Variants in CFAP161 observed in about 807,000 individuals in gnomAD.
CFAP161 encodes cilia and flagella associated protein 161, also known as cilia- and flagella-associated protein 161.
In CFAP161, 25 loss-of-function variants were observed where a neutral mutation model predicts 29.0. The observed-to-expected ratio is 0.86, with a 90% CI of 0.63 to 1.20. The LOEUF (loss-of-function observed/expected upper bound fraction) is 1.20, where lower values mean the gene tolerates loss of function less well. Among genes scored for constraint, CFAP161 ranks in the 50% most tolerant of loss-of-function variants. The pLI, the probability that CFAP161 is intolerant of heterozygous loss-of-function variation, is 0.00. For missense variants in CFAP161, 367 were observed against 371.9 expected (o/e 0.99, Z 0.11); for synonymous variants, 116 against 137.4 (o/e 0.84, Z 1.09).
At chr15:81,120,449 C>A (rs1894557530) in intron 1 of CFAP161, among the ~76,000 whole-genome samples, 1 of 152,154 alleles carries the variant, frequency 6.6e-6, no homozygotes, top group Non-Finnish European at 1.5e-5. Context: ...CAGGTCATAA[C>A]AACAGAGCTA....
At chr15:81,128,288 C>A (rs931550738) in intron 2 of CFAP161, among the ~76,000 whole-genome samples, 2 of 152,228 alleles carry the variant, frequency 1.3e-5, no homozygotes, top group Admixed American at 6.5e-5. Flanking sequence ...GATAGCATTT[C>A]ACCCATGGTA....
intron 4 of CFAP161, among the ~76,000 whole-genome samples, chr15:81,140,131 T>C (rs1355368626): frequency 6.6e-6 from 1 of 152,218 alleles, no homozygotes; most frequent in East Asian, 1.9e-4. Context: ...TATATACCAT[T>C]GATTACTAAA....
chr15:81,141,469 G>T (rs1465466514), intron 4 of CFAP161, among the ~76,000 whole-genome samples: 1 of 151,806 alleles, frequency 6.6e-6, no homozygotes, highest in African/African-American at 2.4e-5. Context: ...TATGTTTTCT[G>T]GGAAGACAGT....
At chr15:81,104,430 G>A (rs1438112090) in intron 1 of CFAP161, among the ~76,000 whole-genome samples, 2 of 152,172 alleles carry the variant, frequency 1.3e-5, no homozygotes, top group Non-Finnish European at 2.9e-5. Context: ...GAACAGGAGC[G>A]GGCCAAAGTT....
intron 4 of CFAP161, among the ~76,000 whole-genome samples, chr15:81,141,049 G>C (rs1427745314): frequency 2.0e-5 from 3 of 152,150 alleles, no homozygotes; most frequent in Non-Finnish European, 4.4e-5. Flanking sequence ...AAATATAATG[G>C]TTATTTTTTT....
chr15:81,136,598 A>C lies in CFAP161; in HGVS notation c.242A>C (p.Glu81Ala). ...GTGAATCCTGATGATCCTGACACAG[A>C]AGCTGATGTGTTTCTGCGTGGGGAC... ...MLVNPDDPDTEADVFLRGDLS... is the reference protein window; with the variant it reads ...MLVNPDDPDTAADVFLRGDLS... The change falls in exon 3 of 7, where the codon GAA becomes GCA. Residue 81 changes from glutamate (E) to alanine (A), a missense_variant. Coordinates refer to ENST00000286732, the MANE Select transcript of CFAP161 (RefSeq NM_173528.4). 1 of 1,614,190 alleles carries C rather than the reference A, an allele frequency of 6.2e-7. No homozygotes were observed. Among genetic ancestry groups the C allele is most frequent in the Non-Finnish European group, 8.5e-7 (1 of 1,180,034 alleles).
chr15:81,147,991 G>A, intron 6 of CFAP161, 60 bp downstream of exon 6: 3 of 1,361,812 alleles, frequency 2.2e-6, no homozygotes, highest in Non-Finnish European at 3.1e-6. Flanking sequence ...ATGAATATAA[G>A]CAAAGAAGCT....
intron 1 of CFAP161, among the ~76,000 whole-genome samples, chr15:81,112,949 A>G (rs902887222): frequency 6.6e-6 from 1 of 152,220 alleles, no homozygotes; most frequent in Non-Finnish European, 1.5e-5. Flanking sequence ...CCAATAATGT[A>G]TGAGTGCATT....
In CFAP161 at chr15:81,148,409, G is replaced by A. The variant is rs1335233570; in HGVS notation, c.782G>A (p.Arg261Lys). Reference protein sequence around the residue: ...YLDSHRVEKPRNHWMLVTGNP... With the variant: ...YLDSHRVEKPKNHWMLVTGNP... ...GATTCACATAGAGTTGAGAAACCAA[G>A]GAACCACTGGATGTTGGTTACTGGG... is the stretch of plus-strand genomic sequence containing the variant. Residue 261 changes from arginine to lysine, a missense_variant, in exon 7 of 7, where the codon AGG (arginine) becomes AAG (lysine). By Grantham distance (26) the Arg-to-Lys change is conservative. Coordinates refer to ENST00000286732, the MANE Select transcript of CFAP161 (RefSeq NM_173528.4). The A allele has an allele frequency of 6.2e-7, 1 of 1,614,072 alleles. No individual in the cohort carries two copies. The highest frequency in any genetic ancestry group is 1.3e-5 in the African/African-American group (1 of 74,938).
At chr15:81,102,884 T>G (rs1487889383) in intron 1 of CFAP161, among the ~76,000 whole-genome samples, 1 of 152,116 alleles carries the variant, frequency 6.6e-6, no homozygotes, top group Admixed American at 6.5e-5. Flanking sequence ...AGGGAAGAAT[T>G]TGATCTATGG....
intron 1 of CFAP161, among the ~76,000 whole-genome samples, chr15:81,104,937 C>A (rs745383135): frequency 3.5e-4 from 53 of 151,666 alleles, no homozygotes; most frequent in Non-Finnish European, 4.4e-4. Context: ...GTTCTAGAGG[C>A]CAGAAACCTG....
Position 81,117,281 on chromosome 15 carries a change from T to A in CFAP161, c.-141-10309T>A, listed in dbSNP as rs559144327. ...TTAAGATTTTATTTTCAAAGCTTTT[T>A]TGTTGTACAGAAAGTAAAAATGCTG... On this transcript the variant is annotated intron_variant, in intron 1 of 4. Coordinates refer to the CFAP161 transcript ENST00000560091. 1.3e-5 allele frequency among the ~76,000 whole-genome samples: 2 copies of A among 152,246 alleles called. 1 individual carries two copies. Among genetic ancestry groups the A allele is most frequent in the South Asian group, 4.1e-4 (2 of 4,828 alleles).
intron 4 of CFAP161, among the ~76,000 whole-genome samples, chr15:81,141,868 A>G (rs181932466): frequency 9.2e-5 from 14 of 152,140 alleles, no homozygotes; most frequent in Admixed American, 9.2e-4. Flanking sequence ...TATTTTTAGT[A>G]GAGACAGGGT....
upstream of CFAP161, among the ~76,000 whole-genome samples, chr15:81,129,506 C>T (rs532394218): frequency 1.3e-5 from 2 of 152,256 alleles, no homozygotes; most frequent in Non-Finnish European, 1.5e-5. Flanking sequence ...TCTCATGAGA[C>T]TTATTCACTA....
chr15:81,148,481 C>G lies in CFAP161; in HGVS notation c.854C>G (p.Pro285Arg), dbSNP rs371058800. ...TCCATGTTGGATCTGCCCAAACCAC[C>G]CACAGAGGACACTCGAGCCATGGAG... ...SSSMLDLPKP[P>R]TEDTRAMEQA... Residue 285 changes from proline to arginine, a missense_variant, in exon 7 of 7, where the codon CCC (proline) becomes CGC (arginine). Coordinates refer to ENST00000286732, the MANE Select transcript of CFAP161 (RefSeq NM_173528.4). The G allele has an allele frequency of 1.9e-5, 30 of 1,614,076 alleles. No homozygotes were observed. The highest frequency in any genetic ancestry group is 2.5e-5 in the Non-Finnish European group (29 of 1,180,034).
upstream of CFAP161, among the ~76,000 whole-genome samples, chr15:81,129,950 T>G (rs1424788717): frequency 5.3e-4 from 81 of 152,038 alleles, no homozygotes; most frequent in African/African-American, 1.8e-3. Flanking sequence ...TAAGGCTTTT[T>G]TTTTTTTTTT....
chr15:81,138,406 T>C (rs918911207), intron 4 of CFAP161, among the ~76,000 whole-genome samples: 3 of 152,150 alleles, frequency 2.0e-5, no homozygotes, highest in Admixed American at 6.5e-5. Context: ...AAAGCAAAAG[T>C]TTATACCACT....
intron 1 of CFAP161, among the ~76,000 whole-genome samples, chr15:81,107,244 C>T (rs1894383238): frequency 6.6e-6 from 1 of 152,114 alleles, no homozygotes; most frequent in Non-Finnish European, 1.5e-5. Flanking sequence ...AGGTACTGTG[C>T]CAATGTGTCA....
At chr15:81,146,644 G>A (rs925238443) in intron 5 of CFAP161, among the ~76,000 whole-genome samples, 1 of 151,372 alleles carries the variant, frequency 6.6e-6, no homozygotes, top group East Asian at 1.9e-4. Flanking sequence ...CAATGATGGG[G>A]ATAAGTTCTG....
Sources: allele counts gnomAD v4.1 joint callset (sites outside exome capture counted in the v4.1 genomes callset), GRCh38; gene constraint gnomAD v4.1.1; transcripts MANE v1.5; gene names NCBI Gene and HGNC (gene_info 2026-07-23, HGNC 2026-07-21).